VAC14: variants seen among roughly 807,000 people sequenced by gnomAD.
The protein encoded by VAC14 is VAC14 component of PIKFYVE complex, also known as protein VAC14 homolog.
A neutral mutation model predicts 85.3 loss-of-function variants in VAC14; 47 were observed. That is an observed-to-expected ratio of 0.55 (90% CI 0.44 to 0.70). VAC14 has a LOEUF of 0.70. VAC14 is among the 30% of genes least tolerant of loss of function. The pLI is 0.00. For missense variants in VAC14, 861 were observed against 1,004.3 expected (o/e 0.86, Z 1.93); for synonymous variants, 447 against 430.5 (o/e 1.04, Z -0.47).
intron 14 of VAC14, among the ~76,000 whole-genome samples, chr16:70,717,909 C>T (rs2054201981): frequency 6.6e-6 from 1 of 152,236 alleles, no homozygotes; most frequent in African/African-American, 2.4e-5. Flanking sequence ...CTGCCTTGGC[C>T]TCCCAAAGTG....
chr16:70,717,538 T>C (rs1398723535), intron 14 of VAC14, among the ~76,000 whole-genome samples: 2 of 152,238 alleles, frequency 1.3e-5, no homozygotes, highest in African/African-American at 2.4e-5. Context: ...AGGGTGAGAA[T>C]TGGTTTTCTG....
At chr16:70,713,509 C>T in intron 14 of VAC14, among the ~76,000 whole-genome samples, 1 of 152,156 alleles carries the variant, frequency 6.6e-6, no homozygotes, top group East Asian at 1.9e-4. Flanking sequence ...TAGGGAAGAG[C>T]CCAGTCAAGA....
At chr16:70,772,214 G>C in intron 9 of VAC14, 42 bp from the exon 10 acceptor site, 3 of 1,565,310 alleles carry the variant, frequency 1.9e-6, no homozygotes, top group Non-Finnish European at 2.6e-6. Flanking sequence ...AAGGCTGTTG[G>C]CTCTCTTGAA....
intron 1 of VAC14, among the ~76,000 whole-genome samples, chr16:70,798,532 C>A (rs2143369550): frequency 1.3e-5 from 2 of 152,348 alleles, no homozygotes; most frequent in South Asian, 4.1e-4. Context: ...GTATCTATCT[C>A]TAAGCAATTT....
In VAC14 at chr16:70,731,618, C is replaced by A; in HGVS notation, c.1538G>T (p.Gly513Val). 1 of 1,613,878 alleles carries A rather than the reference C, an allele frequency of 6.2e-7. No homozygotes were observed. Among genetic ancestry groups the A allele is most frequent in the South Asian group, 1.1e-5 (1 of 91,074 alleles). ...AGLLNTSGTK[G>V]LECSPSTPTM... is the part of the protein sequence containing the mutation. ...GGGAGTTGAAGGAGAACATTCTAAG[C>A]CTTTGGTACCTGTAGAGAAAGGGAT... The change falls in exon 14 of 19, where the codon GGC (glycine) becomes GTC (valine). Residue 513 changes from glycine (G) to valine (V), a missense_variant. Transcript: ENST00000261776.
intron 13 of VAC14, 125 bp from the exon 14 acceptor site, chr16:70,731,752 T>G (rs1207937934): frequency 9.5e-7 from 1 of 1,051,288 alleles, no homozygotes; most frequent in African/African-American, 1.6e-5. Context: ...TATAACAAGA[T>G]GAGGGAAAAT....
rs34654239 is a variant in VAC14, at chr16:70,730,594, C to CTTT, written c.1661+898_1661+900dup. On this transcript the variant is annotated intron_variant, in intron 14 of 18. Coordinates refer to ENST00000261776, the MANE Select transcript of VAC14 (RefSeq NM_018052.5). The stretch of plus-strand genomic sequence containing the variant: ...TTCACTCATCAGAGGGAGGCCCAGG[C>CTTT]TTTTTTTTTTTTTTTTTTTTGGAGA... Among the ~76,000 whole-genome samples, 30 of 106,534 alleles carry CTTT rather than the reference C, an allele frequency of 2.8e-4. 1 individual carries two copies. Among genetic ancestry groups the CTTT allele is most frequent in the African/African-American group, 1.1e-3 (26 of 23,770 alleles). The allele number at this position is 106,534 out of a possible 152,430, so 69.9% of individuals were successfully genotyped here.
rs2053764801 is a variant in VAC14 at position 70,698,817 on chromosome 16, G to C, written c.1662-6C>G. ...TCAGCAGGAGGCACAGCTGCCTGGAGAGCAGGCAGACTGGGGTCAGGGCGC... is the reference window on the plus strand; with the variant it reads ...TCAGCAGGAGGCACAGCTGCCTGGACAGCAGGCAGACTGGGGTCAGGGCGC... On this transcript the variant is annotated splice_region_variant and splice_polypyrimidine_tract_variant and intron_variant, in intron 14 of 18. Coordinates refer to ENST00000261776, the MANE Select transcript of VAC14 (RefSeq NM_018052.5). The C allele has an allele frequency of 1.9e-6, 3 of 1,613,524 alleles. No homozygotes were observed. In the African/African-American group the frequency reaches 4.0e-5, roughly 21 times the overall value.
At position 70,744,600 on chromosome 16, in the gene VAC14, G is replaced by A. The variant is rs1022428981; in HGVS notation, c.1372-21C>T. ...ATCACCTGGGGAGAGAAGCGGGGCA[G>A]GAGGGATGAGCTCTCCGCTGAGAGC... On this transcript the variant is annotated intron_variant, in intron 12 of 18. Coordinates refer to ENST00000261776, the MANE Select transcript of VAC14 (RefSeq NM_018052.5). 4.5e-6 allele frequency: 7 copies of A among 1,569,866 alleles called. No individual in the cohort carries two copies. In the African/African-American group the frequency reaches 9.5e-5, roughly 21 times the overall value.
At chr16:70,718,729 G>A (rs2054221778) in intron 14 of VAC14, among the ~76,000 whole-genome samples, 1 of 152,064 alleles carries the variant, frequency 6.6e-6, no homozygotes, top group Admixed American at 6.6e-5. Context: ...GGTTCTGTTA[G>A]GGCTGCCACT....
intron 1 of VAC14, among the ~76,000 whole-genome samples, chr16:70,798,857 CG>C (rs2034653216): frequency 2.0e-5 from 3 of 152,300 alleles, no homozygotes; most frequent in Admixed American, 6.5e-5. Flanking sequence ...TTCATTTATT[CG>C]GACACCAGCT....
At chr16:70,766,464 C>A (rs1342095811) in intron 10 of VAC14, 2 of 456,618 alleles carry the variant, frequency 4.4e-6, no homozygotes, top group African/African-American at 4.0e-5. Context: ...ACACAGCGAA[C>A]CTGAAGGTAT....
rs775069723 is a variant in VAC14, at chr16:70,698,724, C to T, written c.1749G>A (p.Ser583=). 17 of 1,614,048 alleles carry T rather than the reference C, an allele frequency of 1.1e-5. No individual in the cohort carries two copies. Among genetic ancestry groups the T allele is most frequent in the African/African-American group, 8.0e-5 (6 of 74,922 alleles). ...LLREEDLKFA[S]TMVHALNTIL... ...TGGTGTTGAGGGCGTGGACCATGGTCGAGGCGAACTTGAGGTCCTCCTCCC... is the reference window on the plus strand; with the variant it reads ...TGGTGTTGAGGGCGTGGACCATGGTTGAGGCGAACTTGAGGTCCTCCTCCC... Residue 583 remains serine (S), a synonymous_variant, in exon 15 of 19, where the codon TCG becomes TCA. Transcript: ENST00000261776.
chr16:70,783,668 T>C (rs2033919534), intron 5 of VAC14, 114 bp from the exon 6 acceptor site: 1 of 1,015,270 alleles, frequency 9.8e-7, no homozygotes, highest in Non-Finnish European at 1.5e-6. Flanking sequence ...AGCATTTCCC[T>C]GCAGTGCAGG....
intron 5 of VAC14, 79 bp from the exon 6 acceptor site, chr16:70,783,633 T>C (rs2033917904): frequency 6.3e-6 from 9 of 1,422,416 alleles, no homozygotes; most frequent in Non-Finnish European, 7.9e-6. Context: ...GGGACTGGGC[T>C]GTAGGAAGGG....
intron 15 of VAC14, among the ~76,000 whole-genome samples, 157 bp downstream of exon 15, chr16:70,698,480 C>A (rs1392809409): frequency 6.6e-6 from 1 of 152,200 alleles, no homozygotes; most frequent in African/African-American, 2.4e-5. Context: ...GCCACTCACC[C>A]GGGATCCCTA....
intron 13 of VAC14, among the ~76,000 whole-genome samples, chr16:70,739,258 T>C (rs1328797669): frequency 6.6e-6 from 1 of 152,164 alleles, no homozygotes; most frequent in African/African-American, 2.4e-5. Context: ...CTGACCCCAG[T>C]GCTCGTGATC....
chr16:70,741,874 T>C (rs564700897), intron 13 of VAC14, among the ~76,000 whole-genome samples: 1 of 152,296 alleles, frequency 6.6e-6, no homozygotes, highest in African/African-American at 2.4e-5. Context: ...CCCTGCCATA[T>C]AGTGCCCCTG....
intron 14 of VAC14, among the ~76,000 whole-genome samples, chr16:70,710,399 G>A (rs1052764649): frequency 6.6e-6 from 1 of 152,222 alleles, no homozygotes; most frequent in African/African-American, 2.4e-5. Context: ...GTAATGGAAA[G>A]GCATCCCTGC....
Sources: gnomAD v4.1 joint callset for allele counts (sites outside exome capture counted in the v4.1 genomes callset) on GRCh38, gnomAD v4.1.1 for gene constraint, MANE v1.5 for transcripts, NCBI Gene and HGNC (gene_info 2026-07-23, HGNC 2026-07-21) for gene names.